Variants in EWSR1 observed in about 807,000 individuals in gnomAD.
EWSR1 encodes the protein EWS RNA binding protein 1, also known as RNA-binding protein EWS.
In EWSR1, 14 loss-of-function variants were observed where a neutral mutation model predicts 92.1. The observed-to-expected ratio is 0.15, with a 90% CI of 0.10 to 0.24. The LOEUF (loss-of-function observed/expected upper bound fraction) is 0.24, where lower values mean the gene tolerates loss of function less well. Ranked by LOEUF, EWSR1 falls within the 10% of genes least tolerant of loss-of-function variation. EWSR1 has a pLI of 1.00. For synonymous variants in EWSR1, 303 were observed against 292.9 expected, an observed-to-expected ratio of 1.03 and a Z score of -0.35; for missense variants, 637 against 870.9, an observed-to-expected ratio of 0.73 and a Z score of 3.38.
chr22:29,279,174 AGAATTGTACTTTT>A (rs981770909), intron 5 of EWSR1, among the ~76,000 whole-genome samples: 20 of 152,274 alleles, frequency 1.3e-4, no homozygotes, highest in South Asian at 8.3e-4. Flanking sequence ...CATAACTGAT[AGAATTGTACTTTT>A]GAATTGTACT....
At position 29,299,826 on chromosome 22, in the gene EWSR1, C is replaced by T. The variant is rs1322041476; in HGVS notation, c.1906C>T (p.Arg636Cys). 30 of 1,552,444 alleles carry T rather than the reference C, an allele frequency of 1.9e-5. No individual in the cohort carries two copies. Among genetic ancestry groups the T allele is most frequent in the Non-Finnish European group, 2.5e-5 (29 of 1,147,506 alleles). The change falls in exon 16 of 17, where the codon CGT (arginine) becomes TGT (cysteine). Residue 636 changes from arginine to cysteine, a missense_variant. Arg to Cys is a radical substitution (Grantham distance 180). Around this residue, in one of 5 missense-constraint regions of EWSR1, gnomAD observed 363 missense variants for 447.8 expected, o/e 0.81. Transcript: ENST00000397938. ...ACAGATGGGAGGAAGAAGAGGAGGACGTGGAGGACCTGGAAAAATGGATAA... is the reference window on the plus strand; with the variant it reads ...ACAGATGGGAGGAAGAAGAGGAGGATGTGGAGGACCTGGAAAAATGGATAA... ...MEQMGGRRGG[R>C]GGPGKMDKGE...
intron 6 of EWSR1, among the ~76,000 whole-genome samples, chr22:29,283,694 A>T (rs541023987): frequency 2.7e-5 from 4 of 147,476 alleles, no homozygotes; most frequent in African/African-American, 1.0e-4. Context: ...CCTGGCAAAA[A>T]TTTTTTTTTT....
rs553148334 is a variant in EWSR1, at chr22:29,273,724, GT to G, written c.103-8del. The G allele has an allele frequency of 4.3e-5, 67 of 1,545,222 alleles. No homozygotes were observed. The highest frequency in any genetic ancestry group is 2.2e-4 in the Admixed American group (12 of 54,280). ...GTTCATGTATGAAGTTCTTGCATTC[GT>G]TTTTTTTTGGAGCAGGCATATGGGC... On this transcript the variant is annotated splice_polypyrimidine_tract_variant and intron_variant, in intron 3 of 16. Coordinates refer to ENST00000397938, the MANE Select transcript of EWSR1 (RefSeq NM_005243.4).
rs753034592 is a variant in EWSR1 at position 29,298,818 on chromosome 22, A to G, written c.1503A>G (p.Gly501=). 5 of 1,600,462 alleles carry G rather than the reference A, an allele frequency of 3.1e-6. No homozygotes were observed. The South Asian group carries it at 5.6e-5, about 18-fold the overall frequency. ...ATAGAGGAGGCTTCCCTCCAAGAGG[A>G]CCCCGGGGTTCCCGAGGGAACCCCT... The part of the protein sequence containing the change: ...GGDRGGFPPR[G]PRGSRGNPSG... Residue 501 remains glycine (G), a synonymous_variant, in exon 14 of 17, where the codon GGA becomes GGG. Transcript: ENST00000397938.
intron 14 of EWSR1, 54 bp from the exon 15 acceptor site, chr22:29,299,180 G>C: frequency 6.2e-7 from 1 of 1,613,734 alleles, no homozygotes; most frequent in Non-Finnish European, 8.5e-7. Context: ...ACCTTTCCTT[G>C]TTTATCTTCC....
Position 29,300,008 on chromosome 22 carries a change from TCACCCC to T in EWSR1, c.1932-113_1932-108del, listed in dbSNP as rs1337249538. ...ACCTGGGGGCTCTGGAAGGGCTTCC[TCACCCC>T]TTCCCATTCTAACCGATTGGGAGGA... On this transcript the variant is annotated intron_variant, in intron 16 of 16. Transcript: ENST00000397938. 1,569 of 707,806 alleles carry T rather than the reference TCACCCC, an allele frequency of 2.2e-3. 166 individuals carry two copies. In the African/African-American group the frequency reaches 0.058, roughly 26 times the overall value. The allele number at this position is 707,806 out of a possible 1,614,324, so 43.8% of individuals were successfully genotyped here.
chr22:29,280,889 T>TGG (rs2059539828), intron 5 of EWSR1, among the ~76,000 whole-genome samples: 1 of 130,376 alleles, frequency 7.7e-6, no homozygotes, highest in South Asian at 2.5e-4. Flanking sequence ...TTTTTTTTTT[T>TGG]TTTTTTTTTT....
intron 5 of EWSR1, among the ~76,000 whole-genome samples, chr22:29,279,859 T>G (rs1284961921): frequency 6.6e-6 from 1 of 152,226 alleles, no homozygotes; most frequent in South Asian, 2.1e-4. Context: ...CATTTGATAC[T>G]CTGATGCAAC....
rs1050738087 is a variant in EWSR1 at position 29,299,518 on chromosome 22, G to A, written c.1679-81G>A. 2.1e-5 allele frequency: 31 copies of A among 1,507,478 alleles called. No homozygotes were observed. The African/African-American group carries it at 4.2e-4, about 20-fold the overall frequency. 93.4% of individuals were successfully genotyped at this position (1,507,478 alleles called of 1,614,324 possible). On this transcript the variant is annotated intron_variant, in intron 15 of 16. Coordinates refer to ENST00000397938, the MANE Select transcript of EWSR1 (RefSeq NM_005243.4). Reference sequence around the variant, plus strand: ...CTGGTTTGTTCTGCTGTGAGAGAAGGAAGCAGAGCAGCTTCCACAGTGTCC... The same window carrying A: ...CTGGTTTGTTCTGCTGTGAGAGAAGAAAGCAGAGCAGCTTCCACAGTGTCC...
Position 29,300,169 on chromosome 22 carries a change from G to C in EWSR1, c.*8G>C, listed in dbSNP as rs1395065620. 3.7e-6 allele frequency: 6 copies of C among 1,606,882 alleles called. No homozygotes were observed. Among genetic ancestry groups the C allele is most frequent in the Non-Finnish European group, 5.1e-6 (6 of 1,178,336 alleles). ...AGAGATCGGCCCTACTAGATGCAGA[G>C]ACCCCGCAGAGCTGCATTGACTACC... On this transcript the variant is annotated 3_prime_UTR_variant, in exon 17 of 17. Transcript: ENST00000397938.
chr22:29,272,988 A>G (rs1342700396), intron 3 of EWSR1, among the ~76,000 whole-genome samples: 1 of 152,200 alleles, frequency 6.6e-6, no homozygotes, highest in Non-Finnish European at 1.5e-5. Flanking sequence ...ATGCCATAAA[A>G]TGGATACTAA....
intron 6 of EWSR1, among the ~76,000 whole-genome samples, chr22:29,282,793 C>G (rs2059711336): frequency 6.7e-6 from 1 of 149,986 alleles, no homozygotes; most frequent in Non-Finnish European, 1.5e-5. Flanking sequence ...GACGGAGTCT[C>G]TCTCTGTCGC....
At chr22:29,287,176 T>G (rs2060108869) in intron 7 of EWSR1, 42 bp downstream of exon 7, 1 of 1,577,716 alleles carries the variant, frequency 6.3e-7, no homozygotes, top group Non-Finnish European at 8.7e-7. Context: ...ATGAATGTGT[T>G]TAGAGTTTTT....
rs1228598900 is a variant in EWSR1 at position 29,277,984 on chromosome 22, A to T, written c.227-46A>T. 7.0e-6 allele frequency: 11 copies of T among 1,564,788 alleles called. No homozygotes were observed. The Admixed American group carries it at 1.2e-4, about 17-fold the overall frequency. On this transcript the variant is annotated intron_variant, in intron 4 of 16. Transcript: ENST00000397938. Reference sequence around the variant, plus strand: ...GTTCTGATAATGAGTGTCTAGGCAGATCTCTGAGGGGACCTGAAATCTGAT... The same window carrying T: ...GTTCTGATAATGAGTGTCTAGGCAGTTCTCTGAGGGGACCTGAAATCTGAT...
At chr22:29,281,620 G>A (rs1005157548) in intron 5 of EWSR1, among the ~76,000 whole-genome samples, 21 of 151,516 alleles carry the variant, frequency 1.4e-4, no homozygotes, top group East Asian at 5.9e-4. Flanking sequence ...TTGCTCTGTC[G>A]CCCAGGCTGG....
At chr22:29,280,598 T>C (rs2059485739) in intron 5 of EWSR1, among the ~76,000 whole-genome samples, 1 of 152,086 alleles carries the variant, frequency 6.6e-6, no homozygotes, top group Non-Finnish European at 1.5e-5. Context: ...ACGGAGACTT[T>C]GAGCCAAGTT....
intron 11 of EWSR1, among the ~76,000 whole-genome samples, chr22:29,293,403 G>A (rs771028968): frequency 2.0e-5 from 3 of 152,058 alleles, no homozygotes; most frequent in African/African-American, 4.8e-5. Flanking sequence ...TTGCTCTTCT[G>A]TATTAGAGTT....
chr22:29,274,014 C>A, intron 4 of EWSR1, 150 bp downstream of exon 4: 1 of 1,066,618 alleles, frequency 9.4e-7, no homozygotes, highest in Non-Finnish European at 1.3e-6. Flanking sequence ...TTTTCTCTTT[C>A]TTCCCTACTC....
chr22:29,284,799 G>GT (rs34511125), intron 6 of EWSR1, among the ~76,000 whole-genome samples: 2 of 151,098 alleles, frequency 1.3e-5, no homozygotes, highest in Non-Finnish European at 2.9e-5. Flanking sequence ...TACCAGATGG[G>GT]TTTTTTTGTT....
Sources: allele counts gnomAD v4.1 joint callset (sites outside exome capture counted in the v4.1 genomes callset), GRCh38; gene constraint gnomAD v4.1.1; regional missense constraint gnomAD v4.1.1; transcripts MANE v1.5; gene names NCBI Gene and HGNC (gene_info 2026-07-23, HGNC 2026-07-21).